The following TBC1D12 variants were observed in gnomAD, a reference collection of about 807,000 sequenced individuals.
The protein encoded by TBC1D12 is TBC1 domain family member 12, also known as TBC1 domain family, member 12.
Under a neutral mutation model 86.7 loss-of-function variants are expected in TBC1D12, and 56 were observed. The observed-to-expected ratio is 0.65, with a 90% CI of 0.52 to 0.81. The LOEUF is 0.81. Ranked by LOEUF, TBC1D12 falls within the 30% of genes least tolerant of loss-of-function variation. The probability of loss-of-function intolerance (pLI) is 0.00; values close to 1 mark genes in which losing one functional copy is unlikely to be tolerated. For synonymous variants in TBC1D12, 421 were observed against 411.7 expected (o/e 1.02, Z -0.27); for missense variants, 1,023 against 1,038.8 (o/e 0.98, Z 0.21).
Position 94,402,900 on chromosome 10 carries a change from G to C in TBC1D12, c.287G>C (p.Gly96Ala), listed in dbSNP as rs1169523665. The C allele has an allele frequency of 6.7e-7, 1 of 1,487,950 alleles. No individual in the cohort carries two copies. The highest frequency in any genetic ancestry group is 1.5e-5 in the African/African-American group (1 of 67,986). The allele number at this position is 1,487,950 out of a possible 1,614,324, so 92.2% of individuals were successfully genotyped here. ...CYCPLPAGQA[G>A]APPPSAAPRS... ...TGTCCGCTCCCCGCTGGCCAGGCCG[G>C]CGCCCCGCCGCCCTCGGCAGCCCCA... The change falls in exon 1 of 13, where the codon GGC (glycine) becomes GCC (alanine). Residue 96 changes from glycine to alanine, a missense_variant. Around this residue, in one of 2 missense-constraint regions of TBC1D12, gnomAD observed 628 missense variants for 531.1 expected, o/e 1.18. Transcript: ENST00000225235.
At chr10:94,488,412 A>G (rs1212987990) in intron 3 of TBC1D12, among the ~76,000 whole-genome samples, 3 of 91,178 alleles carry the variant, frequency 3.3e-5, no homozygotes, top group Non-Finnish European at 4.0e-5. Flanking sequence ...TTTTTTTGAG[A>G]TGCAGTCTTG....
At chr10:94,458,687 C>T (rs901338912) in intron 2 of TBC1D12, among the ~76,000 whole-genome samples, 5 of 152,064 alleles carry the variant, frequency 3.3e-5, no homozygotes, top group Admixed American at 2.0e-4. Context: ...GGTGGGTTCG[C>T]GGTCTCGCTG....
At chr10:94,478,091 T>A (rs1489601252) in intron 3 of TBC1D12, among the ~76,000 whole-genome samples, 1 of 151,564 alleles carries the variant, frequency 6.6e-6, no homozygotes, top group Non-Finnish European at 1.5e-5. Flanking sequence ...GACCAGCCTG[T>A]GCAAAATAGT....
intron 5 of TBC1D12, among the ~76,000 whole-genome samples, chr10:94,498,726 A>C (rs1261109614): frequency 2.0e-5 from 3 of 151,000 alleles, no homozygotes; most frequent in Non-Finnish European, 4.4e-5. Flanking sequence ...AAAGTGCTGG[A>C]ATTATAGGTG....
intron 11 of TBC1D12, among the ~76,000 whole-genome samples, chr10:94,530,854 C>CT (rs71031584): frequency 0.01 from 1,033 of 102,736 alleles, 17 homozygotes; most frequent in South Asian, 0.039. Context: ...GGGAGGAAGC[C>CT]TTTTTTTTTT....
intron 6 of TBC1D12, among the ~76,000 whole-genome samples, chr10:94,500,901 C>G (rs1381889398): frequency 6.6e-6 from 1 of 151,690 alleles, no homozygotes; most frequent in Non-Finnish European, 1.5e-5. Flanking sequence ...AGTAAAAATA[C>G]AAAAATTAGC....
chr10:94,428,433 G>A (rs1206069403), intron 1 of TBC1D12, among the ~76,000 whole-genome samples: 1 of 151,710 alleles, frequency 6.6e-6, no homozygotes, highest in Non-Finnish European at 1.5e-5. Context: ...GACTATAGAC[G>A]CATGCCACCA....
intron 3 of TBC1D12, among the ~76,000 whole-genome samples, chr10:94,477,957 C>A (rs975752795): frequency 6.6e-6 from 1 of 152,034 alleles, no homozygotes; most frequent in Non-Finnish European, 1.5e-5. Context: ...TAAACTGTGC[C>A]CAGCAAATCA....
chr10:94,487,691 TCTC>T (rs1184373887), intron 3 of TBC1D12, among the ~76,000 whole-genome samples: 4 of 130,364 alleles, frequency 3.1e-5, no homozygotes, highest in Middle Eastern at 3.9e-3. Context: ...TTCTGTTGTT[TCTC>T]TTTTTTTTTT....
intron 2 of TBC1D12, chr10:94,447,655 C>G (rs2055489203): frequency 2.0e-6 from 2 of 984,870 alleles, no homozygotes; most frequent in Non-Finnish European, 2.4e-6. Context: ...CCGCTTGTGG[C>G]CTTTTGAACC....
chr10:94,411,421 A>G (rs1339678820), intron 1 of TBC1D12, among the ~76,000 whole-genome samples: 2 of 152,152 alleles, frequency 1.3e-5, no homozygotes, highest in Non-Finnish European at 2.9e-5. Context: ...CTTTTGGTAT[A>G]TTCAAAATCA....
chr10:94,522,124 A>G (rs1485924717), intron 10 of TBC1D12, 41 bp downstream of exon 10: 1 of 1,594,050 alleles, frequency 6.3e-7, no homozygotes, highest in African/African-American at 1.3e-5. Context: ...TGTAGTTTGA[A>G]TGCCCTCTTA....
chr10:94,517,003 C>T (rs1564988106), intron 9 of TBC1D12, among the ~76,000 whole-genome samples: 1 of 152,032 alleles, frequency 6.6e-6, no homozygotes, highest in African/African-American at 2.4e-5. Flanking sequence ...CCACCTCAGC[C>T]TCCCAAAGTG....
At chr10:94,449,272 A>G (rs1447287087) in intron 2 of TBC1D12, among the ~76,000 whole-genome samples, 1 of 152,190 alleles carries the variant, frequency 6.6e-6, no homozygotes, top group Non-Finnish European at 1.5e-5. Context: ...CTTGTATATT[A>G]TAGCAGGCTT....
chr10:94,419,840 T>C (rs888640339), intron 1 of TBC1D12, among the ~76,000 whole-genome samples: 3 of 152,206 alleles, frequency 2.0e-5, no homozygotes, highest in Admixed American at 2.0e-4. Context: ...CTCCTCTAAG[T>C]AGTTTTTATT....
chr10:94,410,333 G>GA (rs1276067657), intron 1 of TBC1D12, among the ~76,000 whole-genome samples: 3 of 152,130 alleles, frequency 2.0e-5, no homozygotes, highest in East Asian at 1.9e-4. Context: ...TTGCCTCTGG[G>GA]AAAAAATATG....
chr10:94,412,310 T>G (rs908185531), intron 1 of TBC1D12, among the ~76,000 whole-genome samples: 2 of 152,246 alleles, frequency 1.3e-5, no homozygotes, highest in African/African-American at 4.8e-5. Context: ...CTTCCTCAGC[T>G]TCACCACTGA....
chr10:94,413,182 G>T, intron 1 of TBC1D12, among the ~76,000 whole-genome samples: 1 of 152,178 alleles, frequency 6.6e-6, no homozygotes. Context: ...GTATAATAGA[G>T]AACAGATTCA....
chr10:94,460,864 T>G (rs1477363740), intron 2 of TBC1D12, among the ~76,000 whole-genome samples: 1 of 152,196 alleles, frequency 6.6e-6, no homozygotes, highest in African/African-American at 2.4e-5. Context: ...ATGTCCAATT[T>G]ACTAATCAGC....
Sources: gnomAD v4.1 joint callset for allele counts (sites outside exome capture counted in the v4.1 genomes callset) on GRCh38, gnomAD v4.1.1 for gene constraint, gnomAD v4.1.1 regional missense constraint, MANE v1.5 for transcripts, NCBI Gene and HGNC (gene_info 2026-07-23, HGNC 2026-07-21) for gene names.